The following MICAL3 variants were observed in gnomAD, a reference collection of about 807,000 sequenced individuals.
MICAL3 encodes [F-actin]-monooxygenase MICAL3.
A neutral mutation model predicts 207.4 loss-of-function variants in MICAL3; 62 were observed. The observed-to-expected ratio is 0.30, with a 90% CI of 0.24 to 0.37. The LOEUF (loss-of-function observed/expected upper bound fraction) is 0.37. Ranked by LOEUF, MICAL3 falls within the 10% of genes least tolerant of loss-of-function variation. The pLI is 1.00. For synonymous variants in MICAL3, 1,077 were observed against 1,069.3 expected (o/e 1.01, Z -0.14); for missense variants, 2,368 against 2,635.6 (o/e 0.90, Z 2.22).
At chr22:17,958,479 T>G (rs1934735429) in intron 1 of MICAL3, among the ~76,000 whole-genome samples, 2 of 152,144 alleles carry the variant, frequency 1.3e-5, no homozygotes. Context: ...GGGCCTCAGC[T>G]GCACCCCATC....
chr22:17,902,725 T>C lies in MICAL3; in HGVS notation c.495A>G (p.Ile165Met), dbSNP rs1405364010. Residue 165 changes from isoleucine to methionine, a missense_variant, in exon 4 of 32, where the codon ATA (isoleucine) becomes ATG (methionine). This residue lies in a region of MICAL3 where 400 missense variants were observed against 547.0 expected (regional missense o/e 0.73). Transcript: ENST00000441493. This position sits in a 1 kb window ranked among gnomAD's most constrained non-coding sequence, Gnocchi z 4.5. ...DHISIRQLQL[I>M]LLKVALILGI... ...CTAGGATCAAGGCTACTTTCAAAAGTATTAGTTGGAGCTGACGGATACCTG... is the reference window on the plus strand; with the variant it reads ...CTAGGATCAAGGCTACTTTCAAAAGCATTAGTTGGAGCTGACGGATACCTG... 5 of 1,599,470 alleles carry C rather than the reference T, an allele frequency of 3.1e-6. No individual in the cohort carries two copies. The highest frequency in any genetic ancestry group is 4.3e-6 in the Non-Finnish European group (5 of 1,171,736).
chr22:17,830,432 G>A (rs1922681527), intron 21 of MICAL3, among the ~76,000 whole-genome samples: 1 of 152,224 alleles, frequency 6.6e-6, no homozygotes, highest in South Asian at 2.1e-4. Flanking sequence ...CTGCGTGAAG[G>A]AAAGCTCGGC....
intron 27 of MICAL3, chr22:17,812,903 A>G (rs931013302): frequency 6.6e-6 from 1 of 152,178 alleles, no homozygotes; most frequent in African/African-American, 2.4e-5. Flanking sequence ...ATGTGATTCT[A>G]GATGCTTTTC....
chr22:17,861,240 G>C, intron 19 of MICAL3: 1 of 985,410 alleles, frequency 1.0e-6, no homozygotes. Context: ...GGAAAGGCCT[G>C]CATTTCCTAA....
intron 1 of MICAL3, among the ~76,000 whole-genome samples, chr22:18,002,646 G>A (rs1435470830): frequency 1.3e-5 from 2 of 151,876 alleles, no homozygotes; most frequent in Non-Finnish European, 2.9e-5. Context: ...AAAAGAAAAC[G>A]AAAATATAGA....
chr22:17,953,005 C>T (rs940764896), intron 1 of MICAL3, among the ~76,000 whole-genome samples: 8 of 152,230 alleles, frequency 5.3e-5, no homozygotes, highest in African/African-American at 1.7e-4. Flanking sequence ...CTCTGCCTCC[C>T]ATCCCTGACA....
chr22:17,896,200 CT>C (rs1336556064), intron 9 of MICAL3, 45 bp downstream of exon 9: 1 of 1,104,962 alleles, frequency 9.1e-7, no homozygotes, highest in Non-Finnish European at 1.4e-6. Flanking sequence ...ACCACTCCTT[CT>C]TCCCAGTTTT....
At chr22:17,947,904 GT>G (rs1389113902) in intron 1 of MICAL3, among the ~76,000 whole-genome samples, 1 of 151,844 alleles carries the variant, frequency 6.6e-6, no homozygotes, top group Non-Finnish European at 1.5e-5. Context: ...TTCAAATACA[GT>G]TATGAATTCA....
At position 17,817,913 on chromosome 22, in the gene MICAL3, G is replaced by A. The variant is rs560819207; in HGVS notation, c.4748C>T (p.Pro1583Leu). ...GTLQPQKRGL[P>L]LVSAEAKELA... ...CTCCTTGGCTTCCGCGGACACCAAGGGCAGCCCCCTCTTCTGTGGCTGCAG... is the reference window on the plus strand; with the variant it reads ...CTCCTTGGCTTCCGCGGACACCAAGAGCAGCCCCCTCTTCTGTGGCTGCAG... Residue 1583 changes from proline (P) to leucine (L), a missense_variant, in exon 26 of 32, where the codon CCC becomes CTC. Coordinates refer to ENST00000441493, the MANE Select transcript of MICAL3 (RefSeq NM_015241.3). 4 of 1,612,512 alleles carry A rather than the reference G, an allele frequency of 2.5e-6. No individual in the cohort carries two copies. The highest frequency in any genetic ancestry group is 3.3e-5 in the Admixed American group (2 of 60,028).
chr22:17,835,495 T>C (rs1161452019), intron 20 of MICAL3, among the ~76,000 whole-genome samples: 4 of 152,000 alleles, frequency 2.6e-5, no homozygotes, highest in Non-Finnish European at 5.9e-5. Context: ...AGATTCACAG[T>C]GTGAATTCAG....
At chr22:17,981,978 G>A (rs1432086052) in intron 1 of MICAL3, among the ~76,000 whole-genome samples, 2 of 152,066 alleles carry the variant, frequency 1.3e-5, no homozygotes, top group African/African-American at 4.8e-5. Context: ...AGTGGTGCTT[G>A]CCTGTAGCCC....
In MICAL3 at chr22:17,817,756, C is replaced by T. The variant is rs770032936; in HGVS notation, c.4905G>A (p.Ala1635=). 3.7e-5 allele frequency: 59 copies of T among 1,591,394 alleles called. No individual in the cohort carries two copies. The highest frequency in any genetic ancestry group is 1.5e-4 in the African/African-American group (11 of 74,476). Residue 1635 remains alanine, a synonymous_variant, in exon 26 of 32, where the codon GCG becomes GCA. Transcript: ENST00000441493. ...CCTTGCCCTGGGAGGGTGCTGAGGA[C>T]GCCTTGCGGGGCCTGGGGGCGCCTG... is the stretch of plus-strand genomic sequence containing the variant. ...LASGAPRPRK[A]SSAPSQGKER...
chr22:17,938,255 C>A (rs1178209590), intron 1 of MICAL3, among the ~76,000 whole-genome samples: 1 of 152,112 alleles, frequency 6.6e-6, no homozygotes. Flanking sequence ...ACTTTAAAGC[C>A]GTAATTATTC....
intron 29 of MICAL3, among the ~76,000 whole-genome samples, chr22:17,800,358 G>C (rs183977424): frequency 7.2e-4 from 109 of 152,298 alleles, no homozygotes; most frequent in Admixed American, 1.4e-3. Flanking sequence ...AATAAAGCAG[G>C]CTGGGCCGGC....
At chr22:17,873,764 C>T (rs1395646247) in intron 16 of MICAL3, among the ~76,000 whole-genome samples, 4 of 152,248 alleles carry the variant, frequency 2.6e-5, no homozygotes, top group Non-Finnish European at 5.9e-5. Flanking sequence ...CCTGCTCACA[C>T]CTAAGCTGGG....
In MICAL3 at chr22:17,899,568, G is replaced by A. The variant is rs555014495; in HGVS notation, c.848-20C>T. ...CAATACCTGGGGCCAGAAGACAAAC[G>A]TGTGCATGTAAGTTTGCTGAGATGA... is the stretch of plus-strand genomic sequence containing the variant. On this transcript the variant is annotated intron_variant, in intron 6 of 31. Transcript: ENST00000441493. 23 of 1,502,488 alleles carry A rather than the reference G, an allele frequency of 1.5e-5. No individual in the cohort carries two copies. The highest frequency in any genetic ancestry group is 1.7e-4 in the Middle Eastern group (1 of 5,894). The allele number at this position is 1,502,488 out of a possible 1,614,324, so 93.1% of individuals were successfully genotyped here.
chr22:17,861,172 G>A (rs548330954), intron 19 of MICAL3: 1 of 985,370 alleles, frequency 1.0e-6, no homozygotes, highest in East Asian at 1.1e-4. Flanking sequence ...CCTCTGTCAG[G>A]TGGGAACCCT....
intron 1 of MICAL3, chr22:18,005,389 G>C (rs1316829267): frequency 6.6e-6 from 1 of 152,228 alleles, no homozygotes; most frequent in East Asian, 1.9e-4. Context: ...AGGTAGCAAG[G>C]CTGGTAAGTA....
chr22:17,832,384 C>T (rs907474558), intron 20 of MICAL3, among the ~76,000 whole-genome samples: 1 of 152,196 alleles, frequency 6.6e-6, no homozygotes, highest in Admixed American at 6.5e-5. Context: ...GGGAGGGGAC[C>T]ACCGAAGGCT....
Sources: allele counts gnomAD v4.1 joint callset (sites outside exome capture counted in the v4.1 genomes callset), GRCh38; gene constraint gnomAD v4.1.1; regional missense constraint gnomAD v4.1.1; non-coding constraint Gnocchi (gnomAD v3.1); transcripts MANE v1.5; gene names NCBI Gene and HGNC (gene_info 2026-07-23, HGNC 2026-07-21).